TRIM55: variants seen among roughly 807,000 people sequenced by gnomAD.
TRIM55 encodes the protein tripartite motif-containing protein 55.
Under a neutral mutation model 60.9 loss-of-function variants are expected in TRIM55, and 50 were observed. The observed-to-expected ratio is 0.82, with a 90% CI of 0.65 to 1.04. TRIM55 has a LOEUF of 1.04. Among genes scored for constraint, TRIM55 ranks in the 50% least tolerant of loss-of-function variants. The probability of loss-of-function intolerance (pLI) is 0.00; values close to 1 mark genes in which losing one functional copy is unlikely to be tolerated. For missense variants in TRIM55, 681 were observed against 666.9 expected (o/e 1.02, Z -0.23); for synonymous variants, 237 against 238.1 (o/e 1.00, Z 0.04).
At position 66,150,383 on chromosome 8, in the gene TRIM55, A is replaced by T; in HGVS notation, c.902A>T (p.Glu301Val). The T allele has an allele frequency of 1.9e-6, 3 of 1,614,244 alleles. No individual in the cohort carries two copies. Among genetic ancestry groups the T allele is most frequent in the Non-Finnish European group, 2.5e-6 (3 of 1,180,040 alleles). The part of the protein sequence containing the change: ...ASKAFQMEKI[E>V]HGYENMNHFT... Reference sequence around the variant, plus strand: ...AAGGCATTTCAGATGGAGAAAATAGAACATGGCTATGAGAACATGAACCAC... The same window carrying T: ...AAGGCATTTCAGATGGAGAAAATAGTACATGGCTATGAGAACATGAACCAC... The change falls in exon 7 of 10, where the codon GAA (glutamate) becomes GTA (valine). Residue 301 changes from glutamate (E) to valine (V), a missense_variant. Glu to Val is a moderately radical substitution (Grantham distance 121). Transcript: ENST00000315962.
At chr8:66,152,104 T>C (rs1810461709) in intron 7 of TRIM55, among the ~76,000 whole-genome samples, 1 of 152,128 alleles carries the variant, frequency 6.6e-6, no homozygotes, top group South Asian at 2.1e-4. Context: ...GGACGGGCTC[T>C]GGAAGGTGAA....
At chr8:66,158,323 G>C (rs1024867161) in intron 9 of TRIM55, among the ~76,000 whole-genome samples, 2 of 152,006 alleles carry the variant, frequency 1.3e-5, no homozygotes, top group Non-Finnish European at 2.9e-5. Flanking sequence ...AGTGATAAGA[G>C]GCCCTGAAAG....
intron 4 of TRIM55, among the ~76,000 whole-genome samples, chr8:66,143,720 A>G (rs556364039): frequency 6.6e-6 from 1 of 152,116 alleles, no homozygotes; most frequent in East Asian, 1.9e-4. Context: ...TTATTCATTC[A>G]TTCATTCATT....
rs774407451 is a variant in TRIM55 at position 66,152,500 on chromosome 8, A to G, written c.1109A>G (p.Asp370Gly). 6 of 1,614,088 alleles carry G rather than the reference A, an allele frequency of 3.7e-6. No individual in the cohort carries two copies. Among genetic ancestry groups the G allele is most frequent in the Non-Finnish European group, 5.1e-6 (6 of 1,180,046 alleles). ...GTTCAAACAGAGTTTCCAGGAGAAG[A>G]TGAAAACCCAGAAAAAGCTTCAGAG... Reference protein sequence around the residue: ...ENVQTEFPGEDENPEKASELS... With the variant: ...ENVQTEFPGEGENPEKASELS... Residue 370 changes from aspartate (D) to glycine (G), a missense_variant, in exon 8 of 10, where the codon GAT becomes GGT. Physicochemically the swap from Asp to Gly is moderately conservative, Grantham distance 94. Transcript: ENST00000315962.
At position 66,175,369 on chromosome 8, in the gene TRIM55, A is replaced by T. The variant is rs1811861668; in HGVS notation, c.*776A>T. 1 of 152,202 alleles carries T rather than the reference A, an allele frequency of 6.6e-6. No homozygotes were observed. The highest frequency in any genetic ancestry group is 1.5e-5 in the Non-Finnish European group (1 of 68,036). The allele number at this position is 152,202 out of a possible 1,614,324, so 9.4% of individuals were successfully genotyped here. On this transcript the variant is annotated 3_prime_UTR_variant, in exon 10 of 10. Transcript: ENST00000315962. ...TTAAATATATATACAAACATATCACACATTAAATATATATATATTTAAATC... is the reference window on the plus strand; with the variant it reads ...TTAAATATATATACAAACATATCACTCATTAAATATATATATATTTAAATC...
At chr8:66,147,888 C>A (rs1425104446) in intron 4 of TRIM55, among the ~76,000 whole-genome samples, 1 of 151,144 alleles carries the variant, frequency 6.6e-6, no homozygotes, top group Non-Finnish European at 1.5e-5. Flanking sequence ...TAGGCAGACC[C>A]AGATTCTACC....
chr8:66,147,708 T>A (rs1219522425), intron 4 of TRIM55, among the ~76,000 whole-genome samples: 1 of 146,232 alleles, frequency 6.8e-6, no homozygotes, highest in Non-Finnish European at 1.5e-5. Flanking sequence ...GGCAGGAGAA[T>A]CACTTGAACC....
At chr8:66,129,777 C>T (rs181430244) in intron 2 of TRIM55, among the ~76,000 whole-genome samples, 305 of 152,248 alleles carry the variant, frequency 2.0e-3, no homozygotes, top group African/African-American at 7.0e-3. Context: ...AAAGTAATTG[C>T]GATTTTTGCA....
intron 9 of TRIM55, among the ~76,000 whole-genome samples, chr8:66,161,833 G>A (rs867400350): frequency 1.3e-5 from 2 of 151,064 alleles, no homozygotes; most frequent in Admixed American, 6.6e-5. Context: ...GCTGCTGCTG[G>A]TGTATAGCAG....
the TRIM55 span, among the ~76,000 whole-genome samples, chr8:66,120,410 G>A: frequency 6.6e-6 from 1 of 152,126 alleles, no homozygotes; most frequent in Admixed American, 6.5e-5. Context: ...AACTATGGAC[G>A]GGGAAGGGGG....
Position 66,128,387 on chromosome 8 carries a change from A to G in TRIM55, c.252A>G (p.Glu84=), listed in dbSNP as rs958562682. Residue 84 remains glutamate, a synonymous_variant, in exon 2 of 10, where the codon GAA becomes GAG. Coordinates refer to ENST00000315962, the MANE Select transcript of TRIM55 (RefSeq NM_184085.2). ...TCCGCTGCCCATCCTGTAGACATGA[A>G]GTGGTTTTGGATAGACATGGGGTAT... The part of the protein sequence containing the change: ...GRFRCPSCRH[E]VVLDRHGVYG... 2 of 1,613,792 alleles carry G rather than the reference A, an allele frequency of 1.2e-6. No homozygotes were observed. The highest frequency in any genetic ancestry group is 3.3e-5 in the Admixed American group (2 of 59,972).
chr8:66,153,588 C>T (rs1017402560), intron 8 of TRIM55, among the ~76,000 whole-genome samples: 3 of 152,160 alleles, frequency 2.0e-5, no homozygotes, highest in African/African-American at 7.2e-5. Context: ...AAATTCTGAG[C>T]ATTTCAGTTG....
intron 2 of TRIM55, among the ~76,000 whole-genome samples, chr8:66,130,086 T>G (rs893973486): frequency 6.6e-6 from 1 of 152,232 alleles, no homozygotes; most frequent in Non-Finnish European, 1.5e-5. Context: ...AGTGGGAACT[T>G]GAGACATGAA....
At chr8:66,137,418 A>G (rs1809544640) in intron 4 of TRIM55, among the ~76,000 whole-genome samples, 1 of 152,212 alleles carries the variant, frequency 6.6e-6, no homozygotes, top group African/African-American at 2.4e-5. Flanking sequence ...CTGTTGCTGT[A>G]TGTGTTGTTC....
chr8:66,127,625 G>A (rs1586163125), intron 1 of TRIM55, among the ~76,000 whole-genome samples, 189 bp downstream of exon 1: 1 of 151,990 alleles, frequency 6.6e-6, no homozygotes, highest in East Asian at 1.9e-4. Context: ...TCAGGCCTTC[G>A]AGACCAGGCT....
the TRIM55 span, among the ~76,000 whole-genome samples, chr8:66,116,521 C>G: frequency 6.6e-6 from 1 of 151,128 alleles, no homozygotes; most frequent in Non-Finnish European, 1.5e-5. Context: ...GTAGGAGGAT[C>G]TCTTGAACCT....
At chr8:66,152,966 TAATTC>T (rs2128981404) in intron 8 of TRIM55, among the ~76,000 whole-genome samples, 1 of 151,686 alleles carries the variant, frequency 6.6e-6, no homozygotes, top group South Asian at 2.1e-4. Context: ...TGTGTCATGT[TAATTC>T]ATAGAGAGCT....
In TRIM55 at chr8:66,152,585, A is replaced by T; in HGVS notation, c.1194A>T (p.Pro398=). The T allele has an allele frequency of 6.2e-7, 1 of 1,613,984 alleles. No homozygotes were observed. ...PGALPVSSPE[P]PPALPPAADA... is the part of the protein sequence containing the mutation. ...CACTTCCAGTTTCCTCTCCAGAGCC[A>T]CCTCCAGCCCTGCCACCTGCTGCGG... The change falls in exon 8 of 10, where the codon CCA becomes CCT. Residue 398 remains proline (P), a synonymous_variant. Coordinates refer to ENST00000315962, the MANE Select transcript of TRIM55 (RefSeq NM_184085.2).
rs187617002 is a variant in TRIM55, at chr8:66,160,176, C to T, written c.1524+5842C>T. ...CTCTTTCTCCCAAGTCTCCAAAGTC[C>T]CATGTATTATTCTTATGCCTTTGCA... On this transcript the variant is annotated intron_variant, in intron 9 of 9. Coordinates refer to ENST00000315962, the MANE Select transcript of TRIM55 (RefSeq NM_184085.2). 2.7e-4 allele frequency among the ~76,000 whole-genome samples: 41 copies of T among 152,166 alleles called. 1 individual carries two copies. Among genetic ancestry groups the T allele is most frequent in the African/African-American group, 9.4e-4 (39 of 41,504 alleles).
Sources: allele counts gnomAD v4.1 joint callset (sites outside exome capture counted in the v4.1 genomes callset), GRCh38; gene constraint gnomAD v4.1.1; transcripts MANE v1.5; gene names NCBI Gene and HGNC (gene_info 2026-07-23, HGNC 2026-07-21).